C5: variants seen among roughly 807,000 people sequenced by gnomAD.
C5 encodes C3 and PZP-like alpha-2-macroglobulin domain-containing protein 4.
In C5, 140 loss-of-function variants were observed where a neutral mutation model predicts 218.8. The ratio of observed to expected loss-of-function variants is 0.64; its 90% CI spans 0.56 to 0.74. The LOEUF is 0.74. Ranked by LOEUF, C5 falls within the 30% of genes least tolerant of loss-of-function variation. The pLI, the probability that C5 is intolerant of heterozygous loss-of-function variation, is 0.00. For synonymous variants in C5, 614 were observed against 682.3 expected, an observed-to-expected ratio of 0.90 and a Z score of 1.56; for missense variants, 1,700 against 1,969.6, an observed-to-expected ratio of 0.86 and a Z score of 2.59.
intron 25 of C5, among the ~76,000 whole-genome samples, chr9:120,988,638 AG>A (rs2047052249): frequency 6.6e-6 from 1 of 152,206 alleles, no homozygotes; most frequent in African/African-American, 2.4e-5. Flanking sequence ...CACAATAAAA[AG>A]TTTGGTTTTT....
chr9:121,070,607 C>T, the C5 span, among the ~76,000 whole-genome samples: 1 of 151,666 alleles, frequency 6.6e-6, no homozygotes, highest in Admixed American at 6.6e-5. Context: ...CAGTATATTA[C>T]GTGAATAAGC....
intron 16 of C5, 100 bp from the exon 17 acceptor site, chr9:121,014,170 A>AT: frequency 1.0e-6 from 1 of 984,752 alleles, no homozygotes; most frequent in South Asian, 1.3e-5. Flanking sequence ...TTGCTATATG[A>AT]TCCCCCTACC....
chr9:121,017,744 G>A lies in C5; in HGVS notation c.1615C>T (p.Arg539Ter), dbSNP rs543940994. Residue 539 changes from arginine to a stop codon, truncating the protein, a stop_gained, in exon 13 of 41, where the codon CGA becomes TGA. Coordinates refer to ENST00000223642, the MANE Select transcript of C5 (RefSeq NM_001735.3). LOFTEE classifies it high-confidence loss of function. The stretch of plus-strand genomic sequence containing the variant: ...GTGACGATGTAATAGACCAGAAGTC[G>A]GGATGAAGGAACCATGTTCTGTGTT... ...PVTQNMVPSS[R>*]LLVYYIVTGE... is the part of the protein sequence containing the mutation. 4.3e-6 allele frequency: 7 copies of A among 1,611,552 alleles called. No homozygotes were observed. The highest frequency in any genetic ancestry group is 1.1e-5 in the South Asian group (1 of 91,006).
At chr9:121,023,117 T>C (rs2047380946) in intron 10 of C5, among the ~76,000 whole-genome samples, 1 of 152,238 alleles carries the variant, frequency 6.6e-6, no homozygotes, top group South Asian at 2.1e-4. Context: ...TTATGAGATT[T>C]TATTTACATA....
In C5 at chr9:120,970,544, G is replaced by T. The variant is rs376285539; in HGVS notation, c.4081-293C>A. 3.3e-5 allele frequency among the ~76,000 whole-genome samples: 5 copies of T among 152,300 alleles called. No homozygotes were observed. In the East Asian group the frequency reaches 9.6e-4, roughly 29 times the overall value. ...CTCACTCTACAGGAGAGTTCCCAAGGTTCTTGTTTTGAACCTTTCCACTTT... is the reference window on the plus strand; with the variant it reads ...CTCACTCTACAGGAGAGTTCCCAAGTTTCTTGTTTTGAACCTTTCCACTTT... On this transcript the variant is annotated intron_variant, in intron 31 of 40. Transcript: ENST00000223642.
Position 121,032,189 on chromosome 9 carries a change from A to G in C5, c.591T>C (p.Gly197=). Residue 197 remains glycine, a synonymous_variant, in exon 6 of 41, where the codon GGT becomes GGC. Transcript: ENST00000223642. Reference sequence around the variant, plus strand: ...TATATTTAGCCTTGATCGTCCACATACCATATCTGTGGAAGCAAAATATTT... The same window carrying G: ...TATATTTAGCCTTGATCGTCCACATGCCATATCTGTGGAAGCAAAATATTT... ...DFKIPSNPRY[G]MWTIKAKYKE... is the part of the protein sequence containing the mutation. 6.3e-7 allele frequency: 1 copy of G among 1,595,198 alleles called. No individual in the cohort carries two copies. Among genetic ancestry groups the G allele is most frequent in the Non-Finnish European group, 8.6e-7 (1 of 1,163,108 alleles).
chr9:120,971,919 T>C lies in C5; in HGVS notation c.4080+11A>G. 6.3e-7 allele frequency: 1 copy of C among 1,597,894 alleles called. No individual in the cohort carries two copies. Among genetic ancestry groups the C allele is most frequent in the Non-Finnish European group, 8.6e-7 (1 of 1,165,480 alleles). The stretch of plus-strand genomic sequence containing the variant: ...ACATAACTCGTTATTGGATATCAAT[T>C]AAATACTTACATGTACTGTAGCCAA... On this transcript the variant is annotated intron_variant, in intron 31 of 40. Transcript: ENST00000223642.
chr9:121,020,685 C>A (rs1427777898), intron 11 of C5, among the ~76,000 whole-genome samples: 4 of 152,190 alleles, frequency 2.6e-5, no homozygotes, highest in Non-Finnish European at 5.9e-5. Context: ...GAAATGATAT[C>A]ATGGCAGCAA....
intron 7 of C5, among the ~76,000 whole-genome samples, chr9:121,029,747 G>C (rs571136867): frequency 3.3e-5 from 5 of 152,320 alleles, no homozygotes; most frequent in African/African-American, 1.2e-4. Flanking sequence ...AAGTGATGGT[G>C]TGCCAGCACC....
At chr9:120,953,114 C>T (rs537688001) in intron 40 of C5, among the ~76,000 whole-genome samples, 9 of 152,222 alleles carry the variant, frequency 5.9e-5, no homozygotes, top group Admixed American at 3.9e-4. Flanking sequence ...TTAGTAGAGA[C>T]GGGGTTTCAC....
At chr9:121,048,718 A>G (rs1373058947) in intron 1 of C5, among the ~76,000 whole-genome samples, 1 of 150,146 alleles carries the variant, frequency 6.7e-6, no homozygotes, top group Non-Finnish European at 1.5e-5. Context: ...ATCCATATAA[A>G]TAATTTCATA....
intron 20 of C5, among the ~76,000 whole-genome samples, chr9:121,004,773 GA>G (rs926714636): frequency 3.4e-5 from 5 of 148,622 alleles, no homozygotes; most frequent in South Asian, 2.1e-4. Flanking sequence ...ACCCCATCTT[GA>G]AAAAAAAAGG....
At chr9:121,073,094 A>G in the C5 span, among the ~76,000 whole-genome samples, 1 of 152,180 alleles carries the variant, frequency 6.6e-6, no homozygotes, top group Admixed American at 6.5e-5. Context: ...TATAGAGGTG[A>G]AGCCATCTCT....
At chr9:120,983,195 C>T (rs1018075378) in intron 25 of C5, among the ~76,000 whole-genome samples, 3 of 152,194 alleles carry the variant, frequency 2.0e-5, no homozygotes, top group African/African-American at 4.8e-5. Context: ...AAAATTTGTG[C>T]ATTCCATGGA....
chr9:121,068,037 GA>G, the C5 span, among the ~76,000 whole-genome samples: 1 of 152,038 alleles, frequency 6.6e-6, no homozygotes, highest in African/African-American at 2.4e-5. Context: ...ATCATCAATG[GA>G]AAAAACCTAA....
chr9:121,015,090 T>C lies in C5; in HGVS notation c.2059+109A>G. ...AGCTAGACCTCCATACATATCTTTC[T>C]TTTCATTCATTTTATTTCAATTAGG... is the stretch of plus-strand genomic sequence containing the variant. On this transcript the variant is annotated intron_variant, in intron 16 of 40. Transcript: ENST00000223642. 8 of 739,826 alleles carry C rather than the reference T, an allele frequency of 1.1e-5. No individual in the cohort carries two copies. In the South Asian group the frequency reaches 1.3e-4, roughly 12 times the overall value. The allele number at this position is 739,826 out of a possible 1,614,324, so 45.8% of individuals were successfully genotyped here. A position where few individuals can be genotyped will look rare whatever the true frequency, so the allele number is the denominator to read the frequency against.
At chr9:120,964,489 A>C (rs371760747) in intron 33 of C5, among the ~76,000 whole-genome samples, 38 of 151,594 alleles carry the variant, frequency 2.5e-4, no homozygotes, top group African/African-American at 8.7e-4. Flanking sequence ...ACAAACAAAC[A>C]AACCCACAAA....
chr9:120,992,343 T>C (rs1190510755), intron 22 of C5, among the ~76,000 whole-genome samples: 1 of 152,226 alleles, frequency 6.6e-6, no homozygotes, highest in Non-Finnish European at 1.5e-5. Flanking sequence ...GAGCATGAAG[T>C]TCAAAAAGAG....
At chr9:121,038,852 T>G (rs560850931) in intron 3 of C5, among the ~76,000 whole-genome samples, 1 of 152,314 alleles carries the variant, frequency 6.6e-6, no homozygotes, top group Admixed American at 6.5e-5. Context: ...AAAAACAATG[T>G]GCTCAGTAAA....
Sources: gnomAD v4.1 joint callset for allele counts (sites outside exome capture counted in the v4.1 genomes callset) on GRCh38, gnomAD v4.1.1 for gene constraint, MANE v1.5 for transcripts, NCBI Gene and HGNC (gene_info 2026-07-23, HGNC 2026-07-21) for gene names.